Variants in SFMBT2 observed in about 807,000 individuals in gnomAD.
The protein encoded by SFMBT2 is scm-like with four MBT domains protein 2.
Under a neutral mutation model 110.1 loss-of-function variants are expected in SFMBT2, and 38 were observed. That is an observed-to-expected ratio of 0.35 (90% CI 0.27 to 0.45). The LOEUF (loss-of-function observed/expected upper bound fraction) is 0.45. Ranked by LOEUF, SFMBT2 falls within the 20% of genes least tolerant of loss-of-function variation. SFMBT2 has a pLI of 1.00. For synonymous variants in SFMBT2, 425 were observed against 425.4 expected, an observed-to-expected ratio of 1.00 and a Z score of 0.01; for missense variants, 1,011 against 1,094.9, an observed-to-expected ratio of 0.92 and a Z score of 1.08.
intron 9 of SFMBT2, among the ~76,000 whole-genome samples, chr10:7,243,071 T>C (rs1208542190): frequency 6.6e-6 from 1 of 152,234 alleles, no homozygotes; most frequent in Non-Finnish European, 1.5e-5. Flanking sequence ...TTTAAAATTA[T>C]TTTAATGCAT....
Position 7,284,130 on chromosome 10 carries a change from A to C in SFMBT2, c.546T>G (p.Pro182=). 1 of 1,614,132 alleles carries C rather than the reference A, an allele frequency of 6.2e-7. No homozygotes were observed. The highest frequency in any genetic ancestry group is 1.3e-5 in the African/African-American group (1 of 75,062). ...AGGAACCAACTGTAATGAGGTCTAT[A>C]GGGCCTTTCCCTCGCAGAGGCTGTT... ...LLEGPLRGKG[P]IDLITVGSLI... is the part of the protein sequence containing the mutation. Residue 182 remains proline, a synonymous_variant, in exon 6 of 21, where the codon CCT becomes CCG. Coordinates refer to ENST00000397167, the MANE Select transcript of SFMBT2 (RefSeq NM_001387889.1).
At chr10:7,241,350 G>A in intron 9 of SFMBT2, 1 of 981,564 alleles carries the variant, frequency 1.0e-6, no homozygotes, top group South Asian at 4.7e-5. Flanking sequence ...TTTAAAAAGA[G>A]TTATAGTTTC....
chr10:7,323,950 C>T (rs1038226197), intron 4 of SFMBT2, among the ~76,000 whole-genome samples: 4 of 152,174 alleles, frequency 2.6e-5, no homozygotes, highest in Admixed American at 2.6e-4. Context: ...CATCATAATA[C>T]ATACATAAAA....
intron 16 of SFMBT2, among the ~76,000 whole-genome samples, chr10:7,180,391 G>A (rs1838210479): frequency 6.6e-6 from 1 of 150,656 alleles, no homozygotes. Context: ...TGCCCGCCTT[G>A]GCCTCCCAAA....
At chr10:7,257,928 T>G (rs575288604) in intron 7 of SFMBT2, among the ~76,000 whole-genome samples, 1 of 152,320 alleles carries the variant, frequency 6.6e-6, no homozygotes, top group African/African-American at 2.4e-5. Flanking sequence ...ATCATCCTTA[T>G]GCAGAAACCA....
chr10:7,194,112 C>G (rs1838693732), intron 15 of SFMBT2, among the ~76,000 whole-genome samples: 2 of 152,202 alleles, frequency 1.3e-5, no homozygotes, highest in Non-Finnish European at 2.9e-5. Context: ...CGGTCACCAG[C>G]TGGGCCTGTG....
chr10:7,342,396 C>CTTTT lies in SFMBT2; in HGVS notation c.436+25249_436+25252dup, dbSNP rs71382101. ...ATTTAGGAATTGCACTGGAGTGAGTCTTTTTTTTTTTTTTTTTTTTTTTTT... is the reference window on the plus strand; with the variant it reads ...ATTTAGGAATTGCACTGGAGTGAGTCTTTTTTTTTTTTTTTTTTTTTTTTTTTTT... On this transcript the variant is annotated intron_variant, in intron 4 of 20. Coordinates refer to ENST00000397167, the MANE Select transcript of SFMBT2 (RefSeq NM_001387889.1). 2.1e-3 allele frequency among the ~76,000 whole-genome samples: 149 copies of CTTTT among 69,660 alleles called. 23 individuals are homozygous for CTTTT. The highest frequency in any genetic ancestry group is 4.6e-3 in the African/African-American group (86 of 18,858). The allele number at this position is 69,660 out of a possible 152,430, so 45.7% of individuals were successfully genotyped here.
chr10:7,355,792 A>T (rs1844488241), intron 4 of SFMBT2, among the ~76,000 whole-genome samples: 1 of 152,192 alleles, frequency 6.6e-6, no homozygotes, highest in Non-Finnish European at 1.5e-5. Flanking sequence ...AGCCTGGGCG[A>T]CAAGGTGCAA....
chr10:7,385,753 A>G (rs1845577725), intron 1 of SFMBT2, among the ~76,000 whole-genome samples: 2 of 152,160 alleles, frequency 1.3e-5, no homozygotes, highest in South Asian at 2.1e-4. Flanking sequence ...TAATCCCAGC[A>G]CTTTGGGAGG....
At chr10:7,381,070 CACATACATACATACATACAT>C (rs34216043) in intron 2 of SFMBT2, among the ~76,000 whole-genome samples, 3 of 149,386 alleles carry the variant, frequency 2.0e-5, no homozygotes, top group South Asian at 2.1e-4. Context: ...CACACATACA[CACATACATACATACATACAT>C]ACATACATAC....
Position 7,367,220 on chromosome 10 carries a change from T to C in SFMBT2, c.436+429A>G, listed in dbSNP as rs186601381. ...ACTCTGTTACTGTTCAAATGTCGAC[T>C]TGCTAAAGCAGAAGAAAAGCAACAT... On this transcript the variant is annotated intron_variant, in intron 4 of 20. Transcript: ENST00000397167. This position sits in a 1 kb window ranked among gnomAD's most constrained non-coding sequence, Gnocchi z 6.2. Among the ~76,000 whole-genome samples the C allele has an allele frequency of 6.6e-5, 10 of 152,268 alleles. No individual in the cohort carries two copies. The highest frequency in any genetic ancestry group is 2.4e-4 in the African/African-American group (10 of 41,550).
At chr10:7,230,614 T>G (rs571604204) in intron 9 of SFMBT2, among the ~76,000 whole-genome samples, 1 of 152,300 alleles carries the variant, frequency 6.6e-6, no homozygotes, top group African/African-American at 2.4e-5. Context: ...GTGCCCCACT[T>G]TCCTCATCTA....
intron 9 of SFMBT2, among the ~76,000 whole-genome samples, chr10:7,228,719 C>CT (rs1324922515): frequency 2.3e-5 from 3 of 128,514 alleles, no homozygotes; most frequent in African/African-American, 9.9e-5. Flanking sequence ...TTCTTTCTTT[C>CT]TTTCTTTCTT....
At chr10:7,402,312 G>A (rs184042302) in intron 1 of SFMBT2, among the ~76,000 whole-genome samples, 85 of 152,186 alleles carry the variant, frequency 5.6e-4, no homozygotes, top group African/African-American at 2.0e-3. Flanking sequence ...CATGTCTTCC[G>A]CCTTTTAAAG....
intron 9 of SFMBT2, among the ~76,000 whole-genome samples, chr10:7,233,025 A>C (rs1002340567): frequency 6.6e-6 from 1 of 152,280 alleles, no homozygotes; most frequent in South Asian, 2.1e-4. Context: ...AAGGGTTTAC[A>C]GAAAAAAATT....
chr10:7,345,613 T>C (rs1319881495), intron 4 of SFMBT2, among the ~76,000 whole-genome samples: 1 of 152,226 alleles, frequency 6.6e-6, no homozygotes, highest in Non-Finnish European at 1.5e-5. Context: ...CACCTTGGCC[T>C]CCCAAAATGC....
At chr10:7,249,500 T>C (rs1440921439) in intron 7 of SFMBT2, 1 of 984,566 alleles carries the variant, frequency 1.0e-6, no homozygotes, top group African/African-American at 1.7e-5. Context: ...AGTCTGTCCC[T>C]GAGGAAATAA....
chr10:7,261,546 C>T (rs1021352216), intron 7 of SFMBT2, among the ~76,000 whole-genome samples: 1 of 152,188 alleles, frequency 6.6e-6, no homozygotes, highest in African/African-American at 2.4e-5. Context: ...GTGGGGGTTA[C>T]GTATGCAGGC....
At chr10:7,230,575 G>C (rs550079708) in intron 9 of SFMBT2, among the ~76,000 whole-genome samples, 1 of 152,266 alleles carries the variant, frequency 6.6e-6, no homozygotes, top group African/African-American at 2.4e-5. Flanking sequence ...TAATGGGAGG[G>C]AGCCAGGAAA....
Sources: gnomAD v4.1 joint callset for allele counts (sites outside exome capture counted in the v4.1 genomes callset) on GRCh38, gnomAD v4.1.1 for gene constraint, Gnocchi (gnomAD v3.1) non-coding constraint, MANE v1.5 for transcripts, NCBI Gene and HGNC (gene_info 2026-07-23, HGNC 2026-07-21) for gene names.